The following WWC1 variants were observed in gnomAD, a reference collection of about 807,000 sequenced individuals.
WWC1 encodes the protein protein KIBRA.
A neutral mutation model predicts 138.4 loss-of-function variants in WWC1; 55 were observed. The observed-to-expected ratio is 0.40, with a 90% confidence interval of 0.32 to 0.50. The LOEUF (loss-of-function observed/expected upper bound fraction) is 0.50. Ranked by LOEUF, WWC1 falls within the 20% of genes least tolerant of loss-of-function variation. The pLI is 0.72. For synonymous variants in WWC1, 524 were observed against 564.9 expected, an observed-to-expected ratio of 0.93 and a Z score of 1.03; for missense variants, 1,226 against 1,420.4, an observed-to-expected ratio of 0.86 and a Z score of 2.20.
At chr5:168,465,599 G>A (rs1419823600) in intron 21 of WWC1, among the ~76,000 whole-genome samples, 7 of 101,910 alleles carry the variant, frequency 6.9e-5, no homozygotes, top group Middle Eastern at 0.011. Context: ...TCTCTCTGTC[G>A]CCCGGGCTGG....
At chr5:168,345,302 G>T (rs1029332686) in intron 1 of WWC1, among the ~76,000 whole-genome samples, 1 of 152,096 alleles carries the variant, frequency 6.6e-6, no homozygotes. Flanking sequence ...ACAGGGTTTT[G>T]CCATATTGGC....
chr5:168,426,709 C>G (rs910842309), intron 11 of WWC1, among the ~76,000 whole-genome samples: 1 of 152,242 alleles, frequency 6.6e-6, no homozygotes, highest in Non-Finnish European at 1.5e-5. Flanking sequence ...CACTTGCAGT[C>G]TCCCAGACCC....
chr5:168,424,651 G>A (rs1481003842), intron 11 of WWC1, among the ~76,000 whole-genome samples: 1 of 152,162 alleles, frequency 6.6e-6, no homozygotes, highest in Non-Finnish European at 1.5e-5. Flanking sequence ...AAATCTCTGA[G>A]GTCAGAGCAA....
intron 1 of WWC1, among the ~76,000 whole-genome samples, chr5:168,329,836 G>C (rs753370290): frequency 2.0e-5 from 3 of 152,158 alleles, no homozygotes; most frequent in Non-Finnish European, 4.4e-5. Context: ...TTGGCTGGGC[G>C]TGGTGGCTTA....
intron 9 of WWC1, 110 bp from the exon 10 acceptor site, chr5:168,421,898 C>T (rs1339472205): frequency 1.2e-6 from 1 of 859,156 alleles, no homozygotes; most frequent in East Asian, 2.7e-5. Context: ...ATGCCGTGGT[C>T]AAATGCTTTA....
intron 4 of WWC1, among the ~76,000 whole-genome samples, chr5:168,398,781 C>A (rs1779098387): frequency 6.6e-6 from 1 of 152,100 alleles, no homozygotes; most frequent in African/African-American, 2.4e-5. Flanking sequence ...GACTGTGTAA[C>A]CAGGAGAGGT....
At chr5:168,396,595 C>T (rs1778921131) in intron 3 of WWC1, among the ~76,000 whole-genome samples, 1 of 152,140 alleles carries the variant, frequency 6.6e-6, no homozygotes, top group Non-Finnish European at 1.5e-5. Flanking sequence ...TTGTGTTTAC[C>T]TTAAGGACAC....
At chr5:168,359,313 C>T (rs1010784713) in intron 1 of WWC1, among the ~76,000 whole-genome samples, 1 of 152,168 alleles carries the variant, frequency 6.6e-6, no homozygotes, top group Non-Finnish European at 1.5e-5. Flanking sequence ...CTCAACGTCC[C>T]CAAGTGCTGG....
chr5:168,414,532 C>T lies in WWC1; in HGVS notation c.1126C>T (p.Arg376Trp), dbSNP rs777141260. 2.3e-5 allele frequency: 35 copies of T among 1,555,392 alleles called. No individual in the cohort carries two copies. The highest frequency in any genetic ancestry group is 2.6e-5 in the Non-Finnish European group (30 of 1,149,284). ...EVEQLEMARKRLEKDLQAARD... is the reference protein window; with the variant it reads ...EVEQLEMARKWLEKDLQAARD... Reference sequence around the variant, plus strand: ...GGAGCAGCTGGAGATGGCCCGGAAGCGGCTGGAAAAGGACCTGCAGGCAGC... The same window carrying T: ...GGAGCAGCTGGAGATGGCCCGGAAGTGGCTGGAAAAGGACCTGCAGGCAGC... The change falls in exon 9 of 23, where the codon CGG (arginine) becomes TGG (tryptophan). Residue 376 changes from arginine (R) to tryptophan (W), a missense_variant. Coordinates refer to ENST00000265293, the MANE Select transcript of WWC1 (RefSeq NM_015238.3).
chr5:168,330,726 A>G (rs148967978), intron 1 of WWC1, among the ~76,000 whole-genome samples: 1 of 152,274 alleles, frequency 6.6e-6, no homozygotes, highest in East Asian at 1.9e-4. Flanking sequence ...AGAAGGATGC[A>G]GTGAGGGTGT....
intron 1 of WWC1, among the ~76,000 whole-genome samples, chr5:168,326,692 G>A (rs1258049853): frequency 6.6e-6 from 1 of 151,618 alleles, no homozygotes; most frequent in Non-Finnish European, 1.5e-5. Flanking sequence ...TTACAGGCAC[G>A]CGCCACCATG....
At chr5:168,308,118 G>A (rs996824334) in intron 1 of WWC1, among the ~76,000 whole-genome samples, 3 of 152,164 alleles carry the variant, frequency 2.0e-5, no homozygotes, top group African/African-American at 7.2e-5. Context: ...AGTCAAGTGG[G>A]TCTTCAGTCT....
intron 1 of WWC1, among the ~76,000 whole-genome samples, chr5:168,299,939 A>G (rs1408812119): frequency 6.6e-6 from 1 of 152,214 alleles, no homozygotes; most frequent in Non-Finnish European, 1.5e-5. Context: ...TGCAGCCTCC[A>G]GTTCAGCAAG....
chr5:168,305,124 C>T (rs1401063041), intron 1 of WWC1, among the ~76,000 whole-genome samples: 1 of 134,170 alleles, frequency 7.5e-6, no homozygotes, highest in African/African-American at 2.8e-5. Context: ...GTGCCTGGCC[C>T]AGTATTTTTT....
chr5:168,338,931 C>G (rs1773738555), intron 1 of WWC1, among the ~76,000 whole-genome samples: 1 of 152,040 alleles, frequency 6.6e-6, no homozygotes, highest in African/African-American at 2.4e-5. Context: ...CTATAGTTAA[C>G]CATATTAATA....
intron 15 of WWC1, among the ~76,000 whole-genome samples, chr5:168,437,726 C>T (rs1754363373): frequency 1.3e-5 from 2 of 152,288 alleles, no homozygotes; most frequent in South Asian, 4.2e-4. Flanking sequence ...TGAGCCCGCC[C>T]CAGATAAACA....
At chr5:168,326,693 C>T (rs913696156) in intron 1 of WWC1, among the ~76,000 whole-genome samples, 4 of 151,554 alleles carry the variant, frequency 2.6e-5, no homozygotes, top group South Asian at 2.1e-4. Flanking sequence ...TACAGGCACG[C>T]GCCACCATGC....
chr5:168,370,552 A>G (rs1192099426), intron 1 of WWC1, among the ~76,000 whole-genome samples: 1 of 152,200 alleles, frequency 6.6e-6, no homozygotes. Context: ...TATGTATTTT[A>G]GGCAGAGGCA....
intron 9 of WWC1, among the ~76,000 whole-genome samples, chr5:168,420,574 C>T (rs756422591): frequency 2.6e-5 from 4 of 152,094 alleles, no homozygotes; most frequent in Non-Finnish European, 5.9e-5. Context: ...GGGACCCCCC[C>T]GCCCCGACCT....
Sources: gnomAD v4.1 joint callset for allele counts (sites outside exome capture counted in the v4.1 genomes callset) on GRCh38, gnomAD v4.1.1 for gene constraint, MANE v1.5 for transcripts, NCBI Gene and HGNC (gene_info 2026-07-23, HGNC 2026-07-21) for gene names.